The following MOB2 variants were observed in gnomAD, a reference collection of about 807,000 sequenced individuals.
MOB2 encodes the protein MOB kinase activator 2, also known as MOB2 Mps One Binder homolog.
MOB2 carries 14 observed loss-of-function variants against 27.4 expected under a neutral mutation model. The observed-to-expected ratio is 0.51, with a 90% CI of 0.34 to 0.80. MOB2 has a LOEUF of 0.80. Ranked by LOEUF, MOB2 falls within the 30% of genes least tolerant of loss-of-function variation. MOB2 has a pLI of 0.01. For synonymous variants in MOB2, 167 were observed against 151.8 expected, an observed-to-expected ratio of 1.10 and a Z score of -0.74; for missense variants, 304 against 354.6, an observed-to-expected ratio of 0.86 and a Z score of 1.15.
At chr11:1,483,792 G>A (rs1847941171) in intron 1 of MOB2, among the ~76,000 whole-genome samples, 1 of 152,242 alleles carries the variant, frequency 6.6e-6, no homozygotes, top group African/African-American at 2.4e-5. Flanking sequence ...GCACGTAACT[G>A]ATCCCTACTG....
At chr11:1,479,911 A>G (rs1279565058) in intron 3 of MOB2, among the ~76,000 whole-genome samples, 1 of 152,176 alleles carries the variant, frequency 6.6e-6, no homozygotes, top group African/African-American at 2.4e-5. Context: ...ACGGACACCC[A>G]TTTACTGAGG....
chr11:1,471,253 C>T (rs1293631721), intron 4 of MOB2, 42 bp downstream of exon 4: 1 of 1,587,562 alleles, frequency 6.3e-7, no homozygotes, highest in Non-Finnish European at 8.6e-7. Context: ...ATGCTCCCTG[C>T]CCCACTGTGA....
intron 3 of MOB2, among the ~76,000 whole-genome samples, chr11:1,480,049 C>A (rs1380018768): frequency 6.6e-6 from 1 of 152,230 alleles, no homozygotes; most frequent in Non-Finnish European, 1.5e-5. Flanking sequence ...CCAGCCCAGC[C>A]CTCACTGTCC....
chr11:1,474,859 TA>T (rs1163682128), intron 3 of MOB2, among the ~76,000 whole-genome samples: 1 of 152,280 alleles, frequency 6.6e-6, no homozygotes, highest in Non-Finnish European at 1.5e-5. Context: ...AGTTTCACAG[TA>T]AGTCTCAAAA....
In MOB2 at chr11:1,480,273, G is replaced by C. The variant is rs1461514823; in HGVS notation, c.365+120C>G. 4.3e-6 allele frequency: 4 copies of C among 920,062 alleles called. No individual in the cohort carries two copies. In the East Asian group the frequency reaches 1.0e-4, roughly 23 times the overall value. 57.0% of individuals were successfully genotyped at this position (920,062 alleles called of 1,614,324 possible). ...GGATGTTGTGGAAGGCCTGTGCCAAGACTTCTCAGGGTCTCCAGGTGAGAA... is the reference window on the plus strand; with the variant it reads ...GGATGTTGTGGAAGGCCTGTGCCAACACTTCTCAGGGTCTCCAGGTGAGAA... On this transcript the variant is annotated intron_variant, in intron 3 of 4. Coordinates refer to ENST00000329957, the MANE Select transcript of MOB2 (RefSeq NM_001172223.3).
chr11:1,484,449 T>G (rs1327861120), intron 1 of MOB2, among the ~76,000 whole-genome samples: 1 of 152,054 alleles, frequency 6.6e-6, no homozygotes, highest in Non-Finnish European at 1.5e-5. Flanking sequence ...TGAATGTCAG[T>G]GCTGGTTGGT....
intron 1 of MOB2, 146 bp from the exon 2 acceptor site, chr11:1,481,031 C>T: frequency 2.0e-6 from 2 of 984,508 alleles, no homozygotes; most frequent in East Asian, 2.6e-5. Flanking sequence ...GCTCAAAGGA[C>T]ACCAACGGGA....
chr11:1,469,970 G>C lies in MOB2; in HGVS notation c.*202C>G. 1 of 1,301,798 alleles carries C rather than the reference G, an allele frequency of 7.7e-7. No individual in the cohort carries two copies. Among genetic ancestry groups the C allele is most frequent in the Non-Finnish European group, 1.1e-6 (1 of 933,734 alleles). 80.6% of individuals were successfully genotyped at this position (1,301,798 alleles called of 1,614,324 possible). A position where few individuals can be genotyped will look rare whatever the true frequency, so the allele number is the denominator to read the frequency against. ...GCCCAAAGGCTCTTCTCTACAAACG[G>C]CACGCATCCATCCGACAGGGGGCCA... is the stretch of plus-strand genomic sequence containing the variant. On this transcript the variant is annotated 3_prime_UTR_variant, in exon 5 of 5. Transcript: ENST00000329957.
Position 1,486,539 on chromosome 11 carries a change from G to A in MOB2, c.18C>T (p.Cys6=), listed in dbSNP as rs898550904. The A allele has an allele frequency of 5.9e-6, 9 of 1,535,268 alleles. No homozygotes were observed. Among genetic ancestry groups the A allele is most frequent in the Admixed American group, 2.0e-5 (1 of 50,982 alleles). Residue 6 remains cysteine (C), a synonymous_variant, in exon 1 of 5, where the codon TGC becomes TGT. Transcript: ENST00000329957. The part of the protein sequence containing the change: MLGDH[C]SLPEDQARPG... ...GCCGGGCTTGGTCTTCAGGGAGACT[G>A]CAGTGGTCTCCCAGCATGAGTGGGC...
At chr11:1,472,665 T>G (rs1166037576) in intron 3 of MOB2, 1 of 152,448 alleles carries the variant, frequency 6.6e-6, no homozygotes, top group Non-Finnish European at 1.5e-5. Context: ...GAGGCCACTC[T>G]TCTCTTGGCC....
intron 1 of MOB2, among the ~76,000 whole-genome samples, chr11:1,484,407 T>A (rs1016162469): frequency 1.3e-5 from 2 of 152,178 alleles, no homozygotes; most frequent in Admixed American, 6.5e-5. Flanking sequence ...CTCAGCCATC[T>A]GCACCGGGCC....
rs1026875441 is a variant in MOB2, at chr11:1,469,824, C to T, written c.*348G>A. ...TCACACCCTCCCCCCACGAGTTCCTCCTTTGAGGCCAGCAGCACCCGAGGG... is the reference window on the plus strand; with the variant it reads ...TCACACCCTCCCCCCACGAGTTCCTTCTTTGAGGCCAGCAGCACCCGAGGG... On this transcript the variant is annotated 3_prime_UTR_variant, in exon 5 of 5. Coordinates refer to ENST00000329957, the MANE Select transcript of MOB2 (RefSeq NM_001172223.3). The T allele has an allele frequency of 7.3e-6, 4 of 551,494 alleles. No individual in the cohort carries two copies. Among genetic ancestry groups the T allele is most frequent in the South Asian group, 6.1e-5 (4 of 65,440 alleles). 34.2% of individuals were successfully genotyped at this position (551,494 alleles called of 1,614,324 possible). A position where few individuals can be genotyped will look rare whatever the true frequency, so the allele number is the denominator to read the frequency against.
intron 3 of MOB2, among the ~76,000 whole-genome samples, chr11:1,474,009 C>T (rs1847826622): frequency 6.6e-6 from 1 of 152,268 alleles, no homozygotes; most frequent in African/African-American, 2.4e-5. Flanking sequence ...CAGACACTGC[C>T]CCTGCAGAGA....
In MOB2 at chr11:1,470,041, A is replaced by G; in HGVS notation, c.*131T>C. Reference sequence around the variant, plus strand: ...CTGCGTCTGTGCCTGTGCAGCCCACACCAGTGCAGCCCGGGGCCCTCTCAG... The same window carrying G: ...CTGCGTCTGTGCCTGTGCAGCCCACGCCAGTGCAGCCCGGGGCCCTCTCAG... On this transcript the variant is annotated 3_prime_UTR_variant, in exon 5 of 5. Coordinates refer to ENST00000329957, the MANE Select transcript of MOB2 (RefSeq NM_001172223.3). The G allele has an allele frequency of 6.5e-7, 1 of 1,536,096 alleles. No homozygotes were observed. The highest frequency in any genetic ancestry group is 1.2e-5 in the South Asian group (1 of 83,370).
Position 1,470,414 on chromosome 11 carries a change from T to C in MOB2, c.565A>G (p.Ile189Val), listed in dbSNP as rs1158052599. The change falls in exon 5 of 5, where the codon ATC becomes GTC. Residue 189 changes from isoleucine to valine, a missense_variant. Transcript: ENST00000329957. ...CRHLFHVLAH[I>V]YWAHFKETLA... ...GTCTCCTTGAAGTGGGCCCAGTAGA[T>C]GTGTGCCAGCACGTGGAACAGGTGT... 2 of 1,613,566 alleles carry C rather than the reference T, an allele frequency of 1.2e-6. No homozygotes were observed. The highest frequency in any genetic ancestry group is 4.5e-5 in the East Asian group (2 of 44,886).
chr11:1,476,382 C>G lies in MOB2; in HGVS notation c.365+4011G>C, dbSNP rs922742187. On this transcript the variant is annotated intron_variant, in intron 3 of 4. Coordinates refer to ENST00000329957, the MANE Select transcript of MOB2 (RefSeq NM_001172223.3). ...ACCCAAGCCATAGAATTCATGTGCA[C>G]AGAGGGTTTTTTTCCAATACTTCCT... 2.0e-5 allele frequency among the ~76,000 whole-genome samples: 3 copies of G among 152,194 alleles called. No homozygotes were observed. In the South Asian group the frequency reaches 6.2e-4, roughly 31 times the overall value.
Position 1,470,024 on chromosome 11 carries a change from G to A in MOB2, c.*148C>T. 6.5e-7 allele frequency: 1 copy of A among 1,532,554 alleles called. No homozygotes were observed. Among genetic ancestry groups the A allele is most frequent in the Middle Eastern group, 1.7e-4 (1 of 5,982 alleles). 94.9% of individuals were successfully genotyped at this position (1,532,554 alleles called of 1,614,324 possible). A position where few individuals can be genotyped will look rare whatever the true frequency, so the allele number is the denominator to read the frequency against. The stretch of plus-strand genomic sequence containing the variant: ...GACACGGCCGGGGCCGTCTGCGTCT[G>A]TGCCTGTGCAGCCCACACCAGTGCA... On this transcript the variant is annotated 3_prime_UTR_variant, in exon 5 of 5. Transcript: ENST00000329957.
rs1847972425 is a variant in MOB2 at position 1,486,561 on chromosome 11, G to A, written c.-5C>T. ...ACTGCAGTGGTCTCCCAGCATGAGT[G>A]GGCGACGGGAAGGTGGGGAGGAGAA... On this transcript the variant is annotated 5_prime_UTR_variant, in exon 1 of 5. Transcript: ENST00000329957. 6.5e-7 allele frequency: 1 copy of A among 1,532,444 alleles called. No homozygotes were observed. The highest frequency in any genetic ancestry group is 8.7e-7 in the Non-Finnish European group (1 of 1,143,852). The allele number at this position is 1,532,444 out of a possible 1,614,324, so 94.9% of individuals were successfully genotyped here.
intron 1 of MOB2, 63 bp downstream of exon 1, chr11:1,486,384 G>A: frequency 2.3e-6 from 3 of 1,308,392 alleles, no homozygotes; most frequent in Non-Finnish European, 3.2e-6. Context: ...CCTTCCTGGG[G>A]GCAAGAACAG....
Sources: allele counts gnomAD v4.1 joint callset (sites outside exome capture counted in the v4.1 genomes callset), GRCh38; gene constraint gnomAD v4.1.1; transcripts MANE v1.5; gene names NCBI Gene and HGNC (gene_info 2026-07-23, HGNC 2026-07-21).